NRXN3: variants seen among roughly 807,000 people sequenced by gnomAD.
NRXN3 encodes neurexin III.
In NRXN3, 32 loss-of-function variants were observed where a neutral mutation model predicts 137.6. That is an observed-to-expected ratio of 0.23 (90% CI 0.18 to 0.31). The LOEUF is 0.31. Among genes scored for constraint, NRXN3 ranks in the 10% least tolerant of loss-of-function variants. The pLI is 1.00. For missense variants in NRXN3, 1,574 were observed against 2,062.5 expected, an observed-to-expected ratio of 0.76 and a Z score of 4.59; for synonymous variants, 798 against 784.5, an observed-to-expected ratio of 1.02 and a Z score of -0.29.
chr14:79,384,123 A>T (rs145547805), intron 15 of NRXN3, among the ~76,000 whole-genome samples: 2 of 152,116 alleles, frequency 1.3e-5, no homozygotes, highest in Non-Finnish European at 1.5e-5. Flanking sequence ...TCTTATTTCT[A>T]TGTGGTTTGG....
At chr14:79,508,510 C>T (rs1035956247) in intron 16 of NRXN3, among the ~76,000 whole-genome samples, 7 of 150,048 alleles carry the variant, frequency 4.7e-5, no homozygotes, top group African/African-American at 1.7e-4. Flanking sequence ...CTGCCTCAGC[C>T]TCCCAAGTAA....
chr14:79,330,962 C>T (rs1340918582), intron 15 of NRXN3, among the ~76,000 whole-genome samples: 1 of 152,066 alleles, frequency 6.6e-6, no homozygotes. Flanking sequence ...TAACGTTTCA[C>T]TTAGAAAATG....
At chr14:78,408,118 G>A (rs181654878) in intron 4 of NRXN3, among the ~76,000 whole-genome samples, 29 of 152,154 alleles carry the variant, frequency 1.9e-4, no homozygotes, top group Middle Eastern at 3.2e-3. Context: ...TCATGAAGAT[G>A]TTTAACAAGT....
At chr14:79,449,647 G>A (rs1457260774) in intron 15 of NRXN3, among the ~76,000 whole-genome samples, 3 of 152,132 alleles carry the variant, frequency 2.0e-5, no homozygotes, top group Non-Finnish European at 4.4e-5. Context: ...TCATTTTGTA[G>A]CCAATAAAGC....
chr14:78,694,037 C>T (rs750596837), intron 6 of NRXN3, among the ~76,000 whole-genome samples: 9 of 151,970 alleles, frequency 5.9e-5, no homozygotes, highest in Non-Finnish European at 1.3e-4. Context: ...TAATGCCACT[C>T]ATTTATCAGG....
chr14:78,851,154 A>T (rs962879252), intron 10 of NRXN3, among the ~76,000 whole-genome samples: 2 of 152,172 alleles, frequency 1.3e-5, no homozygotes, highest in African/African-American at 4.8e-5. Flanking sequence ...TACTGAATTT[A>T]TTATCAAAAT....
intron 15 of NRXN3, among the ~76,000 whole-genome samples, chr14:79,301,438 C>T (rs914439277): frequency 6.6e-6 from 1 of 151,936 alleles, no homozygotes; most frequent in Non-Finnish European, 1.5e-5. Context: ...GGTCATAAAA[C>T]TAATAGGTGC....
rs546445430 is a variant in NRXN3 at position 79,611,365 on chromosome 14, C to A, written c.3445-52413C>A. On this transcript the variant is annotated intron_variant, in intron 16 of 20. Transcript: ENST00000335750. Reference sequence around the variant, plus strand: ...CTGTAATCCCAGCACTTTGGGAGGCCAAGGCGGGCGGATCACAAGGTCAGG... The same window carrying A: ...CTGTAATCCCAGCACTTTGGGAGGCAAAGGCGGGCGGATCACAAGGTCAGG... 3.3e-5 allele frequency: 5 copies of A among 152,222 alleles called. No homozygotes were observed. In the East Asian group the frequency reaches 7.8e-4, roughly 24 times the overall value. The allele number at this position is 152,222 out of a possible 1,614,324, so 9.4% of individuals were successfully genotyped here.
intron 1 of NRXN3, among the ~76,000 whole-genome samples, 193 bp from the exon 2 acceptor site, chr14:78,242,198 A>G (rs2067167659): frequency 1.3e-5 from 2 of 152,142 alleles, no homozygotes; most frequent in South Asian, 4.1e-4. Context: ...CATCATTAGG[A>G]CCTGGTCGTC....
chr14:79,278,410 C>T (rs1227599333), intron 15 of NRXN3, among the ~76,000 whole-genome samples: 2 of 152,168 alleles, frequency 1.3e-5, no homozygotes, highest in Non-Finnish European at 2.9e-5. Flanking sequence ...TCAGTCCCCT[C>T]CTGGAGTCAC....
chr14:79,821,281 A>C (rs988026190), intron 20 of NRXN3, among the ~76,000 whole-genome samples: 1 of 152,104 alleles, frequency 6.6e-6, no homozygotes, highest in Non-Finnish European at 1.5e-5. Flanking sequence ...GTTTGTTTAC[A>C]CTTACTCATT....
At chr14:79,604,551 CCTT>C (rs1475160188) in intron 16 of NRXN3, among the ~76,000 whole-genome samples, 1 of 147,496 alleles carries the variant, frequency 6.8e-6, no homozygotes, top group Admixed American at 6.7e-5. Flanking sequence ...TTTTTTTAAT[CCTT>C]CTACTTTACT....
intron 15 of NRXN3, among the ~76,000 whole-genome samples, chr14:79,162,846 C>A (rs1172717263): frequency 1.3e-5 from 2 of 151,872 alleles, no homozygotes; most frequent in African/African-American, 4.8e-5. Context: ...CCCATTTCCT[C>A]CCCTTTCCAT....
chr14:79,804,227 T>C (rs2099194324), intron 19 of NRXN3, among the ~76,000 whole-genome samples: 1 of 151,996 alleles, frequency 6.6e-6, no homozygotes, highest in African/African-American at 2.4e-5. Flanking sequence ...AGGCCAAAAG[T>C]TTTGTTTTTT....
At chr14:79,813,724 T>G (rs1380108364) in intron 20 of NRXN3, among the ~76,000 whole-genome samples, 1 of 152,232 alleles carries the variant, frequency 6.6e-6, no homozygotes, top group Non-Finnish European at 1.5e-5. Context: ...TGCATATTTT[T>G]CCTTTTAATT....
At chr14:79,001,577 T>C (rs1173272493) in intron 15 of NRXN3, among the ~76,000 whole-genome samples, 2 of 152,204 alleles carry the variant, frequency 1.3e-5, no homozygotes, top group Non-Finnish European at 2.9e-5. Context: ...TCTGGATCTA[T>C]ACCCCTTTGG....
chr14:79,334,055 A>G (rs569558693), intron 15 of NRXN3, among the ~76,000 whole-genome samples: 48 of 152,284 alleles, frequency 3.2e-4, no homozygotes, highest in African/African-American at 1.1e-3. Flanking sequence ...AAGTAGTGCA[A>G]TCATTCGTTC....
At chr14:78,360,618 G>A (rs1417723368) in intron 4 of NRXN3, among the ~76,000 whole-genome samples, 1 of 152,166 alleles carries the variant, frequency 6.6e-6, no homozygotes, top group Non-Finnish European at 1.5e-5. Context: ...ACAAGGTTAT[G>A]CTAGATTTGG....
chr14:78,222,714 G>T (rs1451075737), intron 1 of NRXN3, among the ~76,000 whole-genome samples: 1 of 152,128 alleles, frequency 6.6e-6, no homozygotes, highest in Non-Finnish European at 1.5e-5. Flanking sequence ...GGAAAGAGAG[G>T]CTCTACAAGA....
Sources: gnomAD v4.1 joint callset for allele counts (sites outside exome capture counted in the v4.1 genomes callset) on GRCh38, gnomAD v4.1.1 for gene constraint, MANE v1.5 for transcripts, NCBI Gene and HGNC (gene_info 2026-07-23, HGNC 2026-07-21) for gene names.